The following BACH2 variants were observed in gnomAD, a reference collection of about 807,000 sequenced individuals.
BACH2 encodes transcription regulator protein BACH2.
In BACH2, 5 loss-of-function variants were observed where a neutral mutation model predicts 61.8. The observed-to-expected ratio is 0.08, with a 90% CI of 0.04 to 0.17. The LOEUF is 0.17. BACH2 is among the 10% of genes least tolerant of loss of function. BACH2 has a pLI of 1.00. For synonymous variants in BACH2, 446 were observed against 440.1 expected (o/e 1.01, Z -0.17); for missense variants, 824 against 1,091.1 (o/e 0.76, Z 3.45).
At chr6:90,013,709 C>T (rs1398904972) in intron 5 of BACH2, among the ~76,000 whole-genome samples, 4 of 151,912 alleles carry the variant, frequency 2.6e-5, no homozygotes, top group Non-Finnish European at 1.5e-5. Flanking sequence ...AGGGTTTCAC[C>T]ATGTTAGCCA....
intron 6 of BACH2, among the ~76,000 whole-genome samples, chr6:90,002,139 G>A (rs1188813316): frequency 6.6e-6 from 1 of 152,118 alleles, no homozygotes; most frequent in East Asian, 1.9e-4. Context: ...TCCTCGAAAT[G>A]CTTTCTTCAC....
At chr6:90,042,384 A>G (rs1779579200) in intron 5 of BACH2, among the ~76,000 whole-genome samples, 1 of 148,946 alleles carries the variant, frequency 6.7e-6, no homozygotes, top group African/African-American at 2.5e-5. Flanking sequence ...TTTTTTTGGT[A>G]GAGACAGGGT....
intron 5 of BACH2, among the ~76,000 whole-genome samples, chr6:90,013,102 ATTTTTGTATT>A (rs1465272615): frequency 5.9e-5 from 9 of 152,112 alleles, no homozygotes; most frequent in Non-Finnish European, 1.2e-4. Flanking sequence ...CATACAAATA[ATTTTTGTATT>A]TTGATCTTGT....
intron 4 of BACH2, among the ~76,000 whole-genome samples, chr6:90,147,975 T>C (rs926191205): frequency 6.6e-6 from 1 of 152,156 alleles, no homozygotes; most frequent in Non-Finnish European, 1.5e-5. Context: ...GAAAATCTTG[T>C]TGCAAAATGA....
intron 6 of BACH2, among the ~76,000 whole-genome samples, chr6:89,963,362 T>C (rs1178131427): frequency 6.6e-6 from 1 of 152,152 alleles, no homozygotes; most frequent in Non-Finnish European, 1.5e-5. Flanking sequence ...GGCATGATCA[T>C]AGTTCACTGC....
At position 89,976,156 on chromosome 6, in the gene BACH2, T is replaced by C. The variant is rs543014918; in HGVS notation, c.244-24294A>G. Among the ~76,000 whole-genome samples, 137 of 152,262 alleles carry C rather than the reference T, an allele frequency of 9.0e-4. 1 individual carries two copies. The highest frequency in any genetic ancestry group is 3.2e-3 in the African/African-American group (133 of 41,548). On this transcript the variant is annotated intron_variant, in intron 6 of 8. Coordinates refer to ENST00000257749, the MANE Select transcript of BACH2 (RefSeq NM_021813.4). ...TGTTCTGAGGCCACTAGACAGAGAA[T>C]AAAATCAGCTATAACATTACTGTGT...
At chr6:90,129,844 A>G (rs2127822984) in intron 4 of BACH2, among the ~76,000 whole-genome samples, 1 of 151,542 alleles carries the variant, frequency 6.6e-6, no homozygotes. Context: ...GAAGTTGCTT[A>G]TCAGTTCAAG....
chr6:90,265,954 G>T (rs909571866), intron 2 of BACH2, among the ~76,000 whole-genome samples: 1 of 152,146 alleles, frequency 6.6e-6, no homozygotes, highest in African/African-American at 2.4e-5. Context: ...GTAAGTATTA[G>T]TAATGCCATT....
At chr6:90,288,894 C>T (rs9451374) in intron 1 of BACH2, among the ~76,000 whole-genome samples, 5,195 of 152,224 alleles carry the variant, frequency 0.034, 299 homozygotes, top group African/African-American at 0.12. Flanking sequence ...AACAAATTCC[C>T]TCCACCTAAC....
In BACH2 at chr6:90,122,923, C is replaced by A. The variant is rs563040673; in HGVS notation, c.-161-33814G>T. On this transcript the variant is annotated intron_variant, in intron 4 of 8. Coordinates refer to ENST00000257749, the MANE Select transcript of BACH2 (RefSeq NM_021813.4). ...AGAGACATAAAACCGGAGAACTTAACGGCAGAGAAAAGTAAAATGGTAAAT... is the reference window on the plus strand; with the variant it reads ...AGAGACATAAAACCGGAGAACTTAAAGGCAGAGAAAAGTAAAATGGTAAAT... Among the ~76,000 whole-genome samples, 4 of 152,232 alleles carry A rather than the reference C, an allele frequency of 2.6e-5. No homozygotes were observed. The South Asian group carries it at 8.3e-4, about 32-fold the overall frequency.
At chr6:90,140,742 A>C (rs910987369) in intron 4 of BACH2, among the ~76,000 whole-genome samples, 13 of 152,226 alleles carry the variant, frequency 8.5e-5, no homozygotes, top group Non-Finnish European at 1.9e-4. Context: ...GATCATGCTA[A>C]AGAGTTACTT....
At chr6:90,216,881 G>A (rs751734815) in intron 3 of BACH2, among the ~76,000 whole-genome samples, 6 of 152,206 alleles carry the variant, frequency 3.9e-5, no homozygotes, top group Admixed American at 6.5e-5. Context: ...ATCCTACCAC[G>A]TACAGGACAC....
At chr6:90,161,637 A>G (rs1462828231) in intron 4 of BACH2, among the ~76,000 whole-genome samples, 1 of 152,222 alleles carries the variant, frequency 6.6e-6, no homozygotes, top group African/African-American at 2.4e-5. Context: ...TTAAAAACCA[A>G]TCAAGTTAAA....
chr6:89,936,658 G>C (rs560960545), intron 8 of BACH2, among the ~76,000 whole-genome samples: 1 of 152,224 alleles, frequency 6.6e-6, no homozygotes, highest in East Asian at 1.9e-4. Flanking sequence ...GTTGGTGATG[G>C]GAGCTGCTAA....
chr6:89,987,155 C>A (rs142920324), intron 6 of BACH2, among the ~76,000 whole-genome samples: 1 of 151,932 alleles, frequency 6.6e-6, no homozygotes. Flanking sequence ...GTGTTAAATG[C>A]AGAAAGATTT....
At chr6:90,043,748 C>T (rs966632005) in intron 5 of BACH2, among the ~76,000 whole-genome samples, 2 of 152,186 alleles carry the variant, frequency 1.3e-5, no homozygotes, top group African/African-American at 4.8e-5. Flanking sequence ...AACACCTGCT[C>T]ATCCTTCAAG....
At chr6:90,245,049 T>C (rs1447235972) in intron 3 of BACH2, among the ~76,000 whole-genome samples, 1 of 151,870 alleles carries the variant, frequency 6.6e-6, no homozygotes, top group African/African-American at 2.4e-5. Flanking sequence ...CACAAAAAAT[T>C]AGCCGGGTGT....
chr6:90,172,245 G>T (rs1181302150), intron 4 of BACH2, among the ~76,000 whole-genome samples: 1 of 149,274 alleles, frequency 6.7e-6, no homozygotes, highest in Non-Finnish European at 1.5e-5. Context: ...AGCAAAGGTT[G>T]CAGTGAGCCG....
chr6:89,983,617 C>T (rs1361802363), intron 6 of BACH2, among the ~76,000 whole-genome samples: 3 of 152,036 alleles, frequency 2.0e-5, no homozygotes, highest in Non-Finnish European at 2.9e-5. Context: ...TGCGGTGAGC[C>T]GAGATCACGC....
Sources: gnomAD v4.1 joint callset for allele counts (sites outside exome capture counted in the v4.1 genomes callset) on GRCh38, gnomAD v4.1.1 for gene constraint, MANE v1.5 for transcripts, NCBI Gene and HGNC (gene_info 2026-07-23, HGNC 2026-07-21) for gene names.